CATSPERB: variants seen among roughly 807,000 people sequenced by gnomAD.
The protein encoded by CATSPERB is catsper channel auxiliary subunit beta, also known as cation channel sperm-associated auxiliary subunit beta.
Under a neutral mutation model 128.3 loss-of-function variants are expected in CATSPERB, and 93 were observed. The ratio of observed to expected loss-of-function variants is 0.72; its 90% CI spans 0.61 to 0.86. CATSPERB has a LOEUF of 0.86. Ranked by LOEUF, CATSPERB falls within the 40% of genes least tolerant of loss-of-function variation. CATSPERB has a pLI of 0.00. For missense variants in CATSPERB, 1,153 were observed against 1,329.5 expected, an observed-to-expected ratio of 0.87 and a Z score of 2.06; for synonymous variants, 381 against 448.8, an observed-to-expected ratio of 0.85 and a Z score of 1.91.
intron 22 of CATSPERB, among the ~76,000 whole-genome samples, chr14:91,608,064 G>C (rs1704646): frequency 0.67 from 101,411 of 151,948 alleles, 34,633 homozygotes; most frequent in Admixed American, 0.76. Context: ...CAAATGGGAA[G>C]CAGGGAGAGT....
At chr14:91,699,457 A>C (rs1458665006) in intron 7 of CATSPERB, among the ~76,000 whole-genome samples, 1 of 152,216 alleles carries the variant, frequency 6.6e-6, no homozygotes, top group Non-Finnish European at 1.5e-5. Flanking sequence ...TATGAAACCA[A>C]AAAAGAGCCC....
chr14:91,605,976 G>A (rs1893694604), intron 22 of CATSPERB, among the ~76,000 whole-genome samples: 2 of 152,214 alleles, frequency 1.3e-5, no homozygotes, highest in African/African-American at 4.8e-5. Flanking sequence ...AGGAGTTCGA[G>A]ACCAGCCTGG....
At chr14:91,680,676 A>T (rs8013591) in intron 11 of CATSPERB, among the ~76,000 whole-genome samples, 1 of 151,988 alleles carries the variant, frequency 6.6e-6, no homozygotes, top group African/African-American at 2.4e-5. Flanking sequence ...AGACCTGGGA[A>T]AGGTAGTCAT....
rs186540027 is a variant in CATSPERB, at chr14:91,717,154, C to T, written c.370+2264G>A. On this transcript the variant is annotated intron_variant, in intron 5 of 26. Coordinates refer to ENST00000256343, the MANE Select transcript of CATSPERB (RefSeq NM_024764.4). ...ATAGGTTATGATTCCATTTATATGA[C>T]CCTGGAACAGACAAAACAACAGGAA... 4.6e-5 allele frequency among the ~76,000 whole-genome samples: 7 copies of T among 152,202 alleles called. No homozygotes were observed. In the East Asian group the frequency reaches 1.4e-3, roughly 29 times the overall value.
intron 19 of CATSPERB, 37 bp from the exon 20 acceptor site, chr14:91,617,773 G>C: frequency 7.0e-7 from 1 of 1,427,902 alleles, no homozygotes; most frequent in Non-Finnish European, 9.6e-7. Flanking sequence ...ATTAGATAAT[G>C]AAAACTGTAA....
intron 17 of CATSPERB, among the ~76,000 whole-genome samples, chr14:91,630,612 G>A (rs1951108434): frequency 1.3e-5 from 2 of 151,998 alleles, no homozygotes; most frequent in Admixed American, 1.3e-4. Flanking sequence ...ATCCCTAACA[G>A]GCAAATGCAT....
At chr14:91,727,718 T>A (rs1176029716) in intron 2 of CATSPERB, among the ~76,000 whole-genome samples, 1 of 152,200 alleles carries the variant, frequency 6.6e-6, no homozygotes, top group East Asian at 1.9e-4. Context: ...GAATTAAACT[T>A]CTTAAATGGT....
intron 2 of CATSPERB, among the ~76,000 whole-genome samples, chr14:91,728,631 TA>T (rs1170657320): frequency 6.6e-6 from 1 of 152,222 alleles, no homozygotes; most frequent in African/African-American, 2.4e-5. Flanking sequence ...TCTCAGATTA[TA>T]GAGTTTGCTA....
intron 18 of CATSPERB, among the ~76,000 whole-genome samples, chr14:91,622,986 C>T (rs1894082346): frequency 6.6e-6 from 1 of 151,824 alleles, no homozygotes; most frequent in Non-Finnish European, 1.5e-5. Context: ...CCTCCACCTC[C>T]TGGGTTCAAA....
chr14:91,728,893 C>G (rs781491595), intron 2 of CATSPERB, among the ~76,000 whole-genome samples: 1 of 152,214 alleles, frequency 6.6e-6, no homozygotes, highest in East Asian at 1.9e-4. Flanking sequence ...CACAGTTATA[C>G]AACCACAACA....
intron 11 of CATSPERB, among the ~76,000 whole-genome samples, chr14:91,674,576 T>C (rs1895157236): frequency 1.3e-5 from 2 of 152,186 alleles, no homozygotes; most frequent in South Asian, 4.1e-4. Flanking sequence ...AGATTCAAAG[T>C]GCATTTTAAA....
chr14:91,721,357 C>T (rs1027219690), intron 4 of CATSPERB, among the ~76,000 whole-genome samples: 1 of 152,052 alleles, frequency 6.6e-6, no homozygotes, highest in Non-Finnish European at 1.5e-5. Flanking sequence ...AGAATCTATA[C>T]AGAGCTTTTA....
intron 5 of CATSPERB, among the ~76,000 whole-genome samples, chr14:91,716,917 A>C (rs918366334): frequency 4.6e-5 from 7 of 152,206 alleles, no homozygotes; most frequent in Admixed American, 3.9e-4. Context: ...AGCTAAATGC[A>C]ACAAAAATTT....
chr14:91,716,374 T>C (rs777003872), intron 5 of CATSPERB, among the ~76,000 whole-genome samples: 5 of 152,290 alleles, frequency 3.3e-5, no homozygotes, highest in Admixed American at 1.3e-4. Context: ...GTGGATCACC[T>C]GAGACCAGAC....
chr14:91,667,446 A>T (rs565006432), intron 14 of CATSPERB, among the ~76,000 whole-genome samples: 3 of 152,368 alleles, frequency 2.0e-5, no homozygotes, highest in Admixed American at 6.5e-5. Flanking sequence ...AGAAGGAAAG[A>T]GAGAGATAGA....
chr14:91,589,899 T>G (rs963566612), intron 23 of CATSPERB, among the ~76,000 whole-genome samples: 1 of 152,200 alleles, frequency 6.6e-6, no homozygotes, highest in Non-Finnish European at 1.5e-5. Flanking sequence ...CTATAGGCCC[T>G]TTTCACAGGA....
At chr14:91,631,655 A>C (rs1475893758) in intron 17 of CATSPERB, among the ~76,000 whole-genome samples, 1 of 152,004 alleles carries the variant, frequency 6.6e-6, no homozygotes, top group Non-Finnish European at 1.5e-5. Context: ...ACAAGAACAA[A>C]ACTCCATCTC....
At chr14:91,677,594 T>C (rs2139835565) in intron 11 of CATSPERB, among the ~76,000 whole-genome samples, 1 of 152,316 alleles carries the variant, frequency 6.6e-6, no homozygotes, top group East Asian at 1.9e-4. Context: ...ATAGGAACGC[T>C]TTTACACTGT....
rs754239672 is a variant in CATSPERB at position 91,591,973 on chromosome 14, A to G, written c.2739T>C (p.Asn913=). 16 of 1,613,814 alleles carry G rather than the reference A, an allele frequency of 9.9e-6. No individual in the cohort carries two copies. The Admixed American group carries it at 2.0e-4, about 20-fold the overall frequency. The stretch of plus-strand genomic sequence containing the variant: ...AGTTACACTCCTCCCGAGTGGAAAC[A>G]TTAGCACACTGTTTGAATTTACCGG... ...KKTGKFKQCA[N]VSTREECNCT... Residue 913 remains asparagine (N), a synonymous_variant, in exon 23 of 27, where the codon AAT becomes AAC. Coordinates refer to ENST00000256343, the MANE Select transcript of CATSPERB (RefSeq NM_024764.4).
Sources: gnomAD v4.1 joint callset for allele counts (sites outside exome capture counted in the v4.1 genomes callset) on GRCh38, gnomAD v4.1.1 for gene constraint, MANE v1.5 for transcripts, NCBI Gene and HGNC (gene_info 2026-07-23, HGNC 2026-07-21) for gene names.